FSTL5: variants seen among roughly 807,000 people sequenced by gnomAD.
FSTL5 encodes the protein follistatin-related protein 5.
A neutral mutation model predicts 89.1 loss-of-function variants in FSTL5; 62 were observed. That is an observed-to-expected ratio of 0.70 (90% CI 0.57 to 0.86). The LOEUF is 0.86. Ranked by LOEUF, FSTL5 falls within the 40% of genes least tolerant of loss-of-function variation. The pLI, the probability that FSTL5 is intolerant of heterozygous loss-of-function variation, is 0.00. For synonymous variants in FSTL5, 383 were observed against 346.2 expected (o/e 1.11, Z -1.18); for missense variants, 1,057 against 1,001.6 (o/e 1.06, Z -0.75).
intron 6 of FSTL5, among the ~76,000 whole-genome samples, chr4:161,729,760 G>A (rs1196335841): frequency 1.3e-5 from 2 of 152,130 alleles, no homozygotes; most frequent in Non-Finnish European, 2.9e-5. Flanking sequence ...TTACGAAGAA[G>A]GTGGGCAATA....
Position 161,577,473 on chromosome 4 carries a change from C to CAAAAAAAAAAAAAAAAAAAAAAAAAA in FSTL5, c.1015+9981_1015+9982insTTTTTTTTTTTTTTTTTTTTTTTTTT. Among the ~76,000 whole-genome samples the CAAAAAAAAAAAAAAAAAAAAAAAAAA allele has an allele frequency of 9.1e-5, 10 of 110,204 alleles. 2 individuals carry two copies. The highest frequency in any genetic ancestry group is 2.7e-4 in the East Asian group (1 of 3,688). 72.3% of individuals were successfully genotyped at this position (110,204 alleles called of 152,430 possible). A position where few individuals can be genotyped will look rare whatever the true frequency, so the allele number is the denominator to read the frequency against. On this transcript the variant is annotated intron_variant, in intron 8 of 15. Coordinates refer to ENST00000306100, the MANE Select transcript of FSTL5 (RefSeq NM_020116.5). Reference sequence around the variant, plus strand: ...CCCTGAAAGAAGAGAAGAAAAAAGACAAAAAAAAAAAAAAAAAAGGAAACA... The same window carrying CAAAAAAAAAAAAAAAAAAAAAAAAAA: ...CCCTGAAAGAAGAGAAGAAAAAAGACAAAAAAAAAAAAAAAAAAAAAAAAAAAAAAAAAAAAAAAAAAAAGGAAACA...
At chr4:161,646,155 TTGTATATATAA>T (rs1038561343) in intron 7 of FSTL5, among the ~76,000 whole-genome samples, 4 of 148,176 alleles carry the variant, frequency 2.7e-5, no homozygotes, top group African/African-American at 9.8e-5. Flanking sequence ...TCTCATATAT[TTGTATATATAA>T]TATATATATA....
chr4:161,831,992 A>G (rs1730861525), intron 4 of FSTL5, among the ~76,000 whole-genome samples: 1 of 152,056 alleles, frequency 6.6e-6, no homozygotes, highest in Non-Finnish European at 1.5e-5. Flanking sequence ...AAAACCATGA[A>G]TTCACTGAAC....
chr4:162,024,754 G>C (rs555729477), intron 3 of FSTL5, among the ~76,000 whole-genome samples: 111 of 152,072 alleles, frequency 7.3e-4, no homozygotes, highest in African/African-American at 2.5e-3. Flanking sequence ...TTTAACTCAA[G>C]TGGTCCTCCA....
chr4:161,902,992 T>C (rs978101847), intron 4 of FSTL5, among the ~76,000 whole-genome samples: 1 of 152,230 alleles, frequency 6.6e-6, no homozygotes, highest in African/African-American at 2.4e-5. Flanking sequence ...GATGTTTGAA[T>C]GGTAAGGTCT....
At chr4:161,871,258 T>C (rs746778418) in intron 4 of FSTL5, among the ~76,000 whole-genome samples, 4 of 152,130 alleles carry the variant, frequency 2.6e-5, no homozygotes, top group African/African-American at 7.2e-5. Flanking sequence ...GAACATAACA[T>C]AGATATTAGC....
intron 12 of FSTL5, among the ~76,000 whole-genome samples, chr4:161,492,422 T>G (rs1729912392): frequency 6.6e-6 from 1 of 152,152 alleles, no homozygotes; most frequent in African/African-American, 2.4e-5. Context: ...ACATAAATGT[T>G]ATGTATGTCT....
intron 6 of FSTL5, among the ~76,000 whole-genome samples, chr4:161,677,033 T>C (rs1046317720): frequency 1.3e-5 from 2 of 151,956 alleles, no homozygotes; most frequent in Non-Finnish European, 2.9e-5. Context: ...TATGTACAAT[T>C]CCCCTTTCTT....
At chr4:162,125,857 C>G (rs1022863459) in intron 1 of FSTL5, among the ~76,000 whole-genome samples, 1 of 151,968 alleles carries the variant, frequency 6.6e-6, no homozygotes. Flanking sequence ...GAACATATTT[C>G]TACATGTACT....
intron 12 of FSTL5, among the ~76,000 whole-genome samples, chr4:161,492,069 T>C (rs1179743558): frequency 1.3e-5 from 2 of 152,194 alleles, no homozygotes; most frequent in Non-Finnish European, 2.9e-5. Flanking sequence ...TCTATATCTT[T>C]AAAACAGCCT....
chr4:161,653,580 T>C lies in FSTL5; in HGVS notation c.894+2748A>G, dbSNP rs144781945. Among the ~76,000 whole-genome samples, 913 of 152,168 alleles carry C rather than the reference T, an allele frequency of 6.0e-3. 9 individuals are homozygous for C. Among genetic ancestry groups the C allele is most frequent in the South Asian group, 0.045 (218 of 4,816 alleles). On this transcript the variant is annotated intron_variant, in intron 7 of 15. Transcript: ENST00000306100. ...AGGTGTTGGGTAACCAGAAAACACA[T>C]CAGATATCCATTAGACAGTGCTGAA...
intron 4 of FSTL5, among the ~76,000 whole-genome samples, chr4:161,889,896 A>G (rs17458573): frequency 0.017 from 2,544 of 152,282 alleles, 37 homozygotes; most frequent in South Asian, 0.027. Flanking sequence ...CGTATGGTTT[A>G]TTTACAGGAA....
intron 15 of FSTL5, among the ~76,000 whole-genome samples, chr4:161,399,013 T>G (rs1731094167): frequency 6.6e-6 from 1 of 152,148 alleles, no homozygotes; most frequent in African/African-American, 2.4e-5. Context: ...TATAAAACAC[T>G]AATTTAAGAT....
chr4:161,532,018 C>A (rs1175682723), intron 10 of FSTL5, among the ~76,000 whole-genome samples: 6 of 151,908 alleles, frequency 3.9e-5, no homozygotes, highest in African/African-American at 1.2e-4. Context: ...CCCTGGTTAA[C>A]ATGGTGAAAC....
chr4:161,846,891 G>T (rs77556735), intron 4 of FSTL5, among the ~76,000 whole-genome samples: 3,495 of 152,086 alleles, frequency 0.023, 130 homozygotes, highest in African/African-American at 0.077. Flanking sequence ...AAATACTTTT[G>T]ATAAATATGC....
At chr4:161,882,819 A>G (rs923122004) in intron 4 of FSTL5, among the ~76,000 whole-genome samples, 2 of 152,134 alleles carry the variant, frequency 1.3e-5, no homozygotes, top group Non-Finnish European at 2.9e-5. Flanking sequence ...GGAAAGAACC[A>G]CAGACCCCTT....
chr4:161,920,689 C>A, intron 3 of FSTL5, 37 bp from the exon 4 acceptor site: 2 of 1,568,138 alleles, frequency 1.3e-6, no homozygotes, highest in South Asian at 1.2e-5. Context: ...TCGTTTGGTT[C>A]ATTTGTCCAA....
intron 7 of FSTL5, among the ~76,000 whole-genome samples, chr4:161,612,118 T>C (rs997624484): frequency 6.6e-6 from 1 of 152,336 alleles, no homozygotes; most frequent in Middle Eastern, 3.4e-3. Context: ...TAACAACTTA[T>C]ATTGCAGAAT....
chr4:161,437,398 C>T (rs948701589), intron 15 of FSTL5, among the ~76,000 whole-genome samples: 1 of 151,794 alleles, frequency 6.6e-6, no homozygotes, highest in Non-Finnish European at 1.5e-5. Flanking sequence ...AACCCCGTCT[C>T]TACTGAAAAA....
Sources: allele counts gnomAD v4.1 joint callset (sites outside exome capture counted in the v4.1 genomes callset), GRCh38; gene constraint gnomAD v4.1.1; transcripts MANE v1.5; gene names NCBI Gene and HGNC (gene_info 2026-07-23, HGNC 2026-07-21).